GRIN2B: variants seen among roughly 807,000 people sequenced by gnomAD.
The protein encoded by GRIN2B is glutamate ionotropic receptor NMDA type subunit 2B.
GRIN2B carries 5 observed loss-of-function variants against 114.5 expected under a neutral mutation model. That is an observed-to-expected ratio of 0.04 (90% CI 0.02 to 0.09). GRIN2B has a LOEUF of 0.09. Among genes scored for constraint, GRIN2B ranks in the 10% least tolerant of loss-of-function variants. The probability of loss-of-function intolerance (pLI) is 1.00; values close to 1 mark genes in which losing one functional copy is unlikely to be tolerated. For synonymous variants in GRIN2B, 787 were observed against 745.1 expected (o/e 1.06, Z -0.92); for missense variants, 1,108 against 1,943.5 (o/e 0.57, Z 8.08).
At chr12:13,902,907 C>A (rs1437711860) in intron 2 of GRIN2B, among the ~76,000 whole-genome samples, 5 of 152,132 alleles carry the variant, frequency 3.3e-5, no homozygotes, top group African/African-American at 4.8e-5. Context: ...AGAAAGATTT[C>A]TATTACTAAT....
chr12:13,817,004 C>T (rs1445916681), intron 3 of GRIN2B, among the ~76,000 whole-genome samples: 1 of 152,086 alleles, frequency 6.6e-6, no homozygotes, highest in Admixed American at 6.5e-5. Context: ...TGGATGCCAG[C>T]ATACAAATAC....
chr12:13,903,484 C>T (rs370748440), intron 2 of GRIN2B, among the ~76,000 whole-genome samples: 5 of 152,118 alleles, frequency 3.3e-5, no homozygotes, highest in East Asian at 3.9e-4. Context: ...ATCTTTAACA[C>T]GAGTTATTTA....
chr12:13,605,975 G>T (rs915071681), intron 10 of GRIN2B, among the ~76,000 whole-genome samples: 1 of 152,140 alleles, frequency 6.6e-6, no homozygotes, highest in Non-Finnish European at 1.5e-5. Flanking sequence ...ACCATGCATA[G>T]GACATGATAC....
chr12:13,824,697 A>C (rs1336589320), intron 3 of GRIN2B, among the ~76,000 whole-genome samples: 1 of 152,032 alleles, frequency 6.6e-6, no homozygotes, highest in Non-Finnish European at 1.5e-5. Flanking sequence ...TACTAAAAAT[A>C]CAAAAAAAAT....
At chr12:13,861,783 A>T (rs1341845015) in intron 3 of GRIN2B, among the ~76,000 whole-genome samples, 4 of 151,986 alleles carry the variant, frequency 2.6e-5, no homozygotes, top group African/African-American at 9.7e-5. Context: ...TCCAATTTAG[A>T]GTTTTTTCTA....
chr12:13,877,111 G>A (rs907985974), intron 2 of GRIN2B, among the ~76,000 whole-genome samples: 4 of 152,192 alleles, frequency 2.6e-5, no homozygotes, highest in Non-Finnish European at 4.4e-5. Context: ...ATATTTGTAT[G>A]TGTAAATCAA....
At chr12:13,798,386 T>C (rs982116308) in intron 3 of GRIN2B, among the ~76,000 whole-genome samples, 2 of 152,170 alleles carry the variant, frequency 1.3e-5, no homozygotes, top group Non-Finnish European at 2.9e-5. Context: ...TAGTTAGATG[T>C]CTTGGTCCCA....
chr12:13,851,027 G>A (rs1452194242), intron 3 of GRIN2B, among the ~76,000 whole-genome samples: 3 of 152,066 alleles, frequency 2.0e-5, no homozygotes, highest in Non-Finnish European at 2.9e-5. Context: ...GTAGGCATTT[G>A]GTTTTTCTAA....
At chr12:13,646,666 T>C (rs1349441591) in intron 5 of GRIN2B, among the ~76,000 whole-genome samples, 1 of 151,966 alleles carries the variant, frequency 6.6e-6, no homozygotes, top group African/African-American at 2.4e-5. Flanking sequence ...CTCCTCCTCT[T>C]CTCCTTCTCC....
At chr12:13,833,492 G>A (rs1865190999) in intron 3 of GRIN2B, among the ~76,000 whole-genome samples, 2 of 152,118 alleles carry the variant, frequency 1.3e-5, no homozygotes, top group Admixed American at 1.3e-4. Context: ...AATGTGTTCT[G>A]TTACAAATTC....
At chr12:13,575,529 T>C (rs915825118) in intron 10 of GRIN2B, among the ~76,000 whole-genome samples, 17 of 151,988 alleles carry the variant, frequency 1.1e-4, no homozygotes, top group African/African-American at 4.1e-4. Flanking sequence ...CGTGGTGGCA[T>C]GCGCTTCTAG....
intron 3 of GRIN2B, among the ~76,000 whole-genome samples, chr12:13,808,456 G>A (rs1351509624): frequency 6.6e-6 from 1 of 152,018 alleles, no homozygotes; most frequent in African/African-American, 2.4e-5. Flanking sequence ...GAGAGGCCTT[G>A]CAATAGTTTG....
At position 13,977,073 on chromosome 12, in the gene GRIN2B, C is replaced by T. The variant is rs546913995; in HGVS notation, c.-19+2855G>A. ...TCAAGGTTCCTGCTGTTCATCCCTT[C>T]TCCAGAGGAAGTCGCTCTTCTCAAT... On this transcript the variant is annotated intron_variant, in intron 2 of 13. Coordinates refer to ENST00000609686, the MANE Select transcript of GRIN2B (RefSeq NM_000834.5). 1.4e-3 allele frequency among the ~76,000 whole-genome samples: 212 copies of T among 152,354 alleles called. 1 individual carries two copies. Among genetic ancestry groups the T allele is most frequent in the African/African-American group, 4.8e-3 (200 of 41,596 alleles).
chr12:13,881,434 A>G (rs1267322626), intron 2 of GRIN2B, among the ~76,000 whole-genome samples: 1 of 152,156 alleles, frequency 6.6e-6, no homozygotes, highest in African/African-American at 2.4e-5. Context: ...AGACCAGGAT[A>G]TAACCATGAC....
At chr12:13,826,629 A>C (rs1865040737) in intron 3 of GRIN2B, among the ~76,000 whole-genome samples, 1 of 151,512 alleles carries the variant, frequency 6.6e-6, no homozygotes, top group Non-Finnish European at 1.5e-5. Flanking sequence ...AATGTGCCTT[A>C]TTGTTGTTTT....
At chr12:13,648,790 AATACTAAATTAC>A (rs774968523) in intron 5 of GRIN2B, among the ~76,000 whole-genome samples, 6 of 152,040 alleles carry the variant, frequency 3.9e-5, no homozygotes, top group Non-Finnish European at 5.9e-5. Context: ...CTAGTTAAGG[AATACTAAATTAC>A]ATGCTAAATT....
intron 2 of GRIN2B, among the ~76,000 whole-genome samples, chr12:13,953,234 T>C (rs1867525036): frequency 6.6e-6 from 1 of 152,114 alleles, no homozygotes; most frequent in South Asian, 2.1e-4. Context: ...AGACGCTGCA[T>C]GGCCTTTTCT....
Position 13,608,693 on chromosome 12 carries a change from G to A in GRIN2B, c.1920C>T (p.Val640=). Residue 640 remains valine (V), a synonymous_variant, in exon 10 of 14, where the codon GTC becomes GTT. Transcript: ENST00000609686. Reference sequence around the variant, plus strand: ...TGGCAGTGTAGCTGGCCAGGAAGATGACAGCAAAGAAGGCCCACACTGACA... The same window carrying A: ...TGGCAGTGTAGCTGGCCAGGAAGATAACAGCAAAGAAGGCCCACACTGACA... ...IMVSVWAFFA[V]IFLASYTANL... is the part of the protein sequence containing the mutation. The A allele has an allele frequency of 6.2e-7, 1 of 1,614,122 alleles. No individual in the cohort carries two copies. Among genetic ancestry groups the A allele is most frequent in the Non-Finnish European group, 8.5e-7 (1 of 1,179,986 alleles).
chr12:13,657,544 T>C (rs1203908117), intron 5 of GRIN2B, among the ~76,000 whole-genome samples: 1 of 152,182 alleles, frequency 6.6e-6, no homozygotes, highest in African/African-American at 2.4e-5. Context: ...GTTGGTGTGC[T>C]CTTCAGCAGT....
Sources: gnomAD v4.1 joint callset for allele counts (sites outside exome capture counted in the v4.1 genomes callset) on GRCh38, gnomAD v4.1.1 for gene constraint, MANE v1.5 for transcripts, NCBI Gene and HGNC (gene_info 2026-07-23, HGNC 2026-07-21) for gene names.